Variants in CPM observed in about 807,000 individuals in gnomAD.
CPM encodes renal carboxypeptidase.
Under a neutral mutation model 46.4 loss-of-function variants are expected in CPM, and 35 were observed. The observed-to-expected ratio is 0.75, with a 90% CI of 0.58 to 1.00. CPM has a LOEUF of 1.00. Ranked by LOEUF, CPM falls within the 50% of genes least tolerant of loss-of-function variation. The probability of loss-of-function intolerance (pLI) is 0.00; values close to 1 mark genes in which losing one functional copy is unlikely to be tolerated. For missense variants in CPM, 422 were observed against 530.4 expected (o/e 0.80, Z 2.01); for synonymous variants, 195 against 195.3 (o/e 1.00, Z 0.01).
intron 7 of CPM, among the ~76,000 whole-genome samples, chr12:68,859,539 G>T (rs142631506): frequency 1.6e-4 from 25 of 152,166 alleles, no homozygotes; most frequent in African/African-American, 5.8e-4. Flanking sequence ...TAATCACAAG[G>T]CTTCTTGGAA....
At chr12:68,894,876 T>C (rs1156310779) in intron 2 of CPM, among the ~76,000 whole-genome samples, 1 of 151,600 alleles carries the variant, frequency 6.6e-6, no homozygotes, top group Non-Finnish European at 1.5e-5. Flanking sequence ...CCACTAAAAA[T>C]ACAAAAATTA....
At chr12:68,923,046 A>G (rs2133315) in intron 2 of CPM, among the ~76,000 whole-genome samples, 118,103 of 151,900 alleles carry the variant, frequency 0.78, 46,317 homozygotes, top group African/African-American at 0.9. Flanking sequence ...TCCTGTGTAA[A>G]CCTCCCAAGT....
chr12:68,899,919 CA>C (rs1484901460), intron 2 of CPM, among the ~76,000 whole-genome samples: 1 of 152,114 alleles, frequency 6.6e-6, no homozygotes, highest in Admixed American at 6.5e-5. Flanking sequence ...TCAGTAAAAT[CA>C]ACAGATGGAG....
chr12:68,906,604 C>T (rs1005537658), intron 2 of CPM, among the ~76,000 whole-genome samples: 1 of 152,110 alleles, frequency 6.6e-6, no homozygotes, highest in African/African-American at 2.4e-5. Flanking sequence ...ATTCTCATGC[C>T]TCAGCCTCCC....
chr12:68,917,144 A>G lies in CPM; in HGVS notation c.160+15534T>C, dbSNP rs141198500. On this transcript the variant is annotated intron_variant, in intron 2 of 8. Coordinates refer to ENST00000551568, the MANE Select transcript of CPM (RefSeq NM_198320.5). ...CCACACTGAACTTCTTTTGCTCCTC[A>G]AAGTCAATATGCTCCTTCACCTCCA... Among the ~76,000 whole-genome samples, 313 of 152,200 alleles carry G rather than the reference A, an allele frequency of 2.1e-3. 3 individuals are homozygous for G. Among genetic ancestry groups the G allele is most frequent in the African/African-American group, 6.9e-3 (285 of 41,528 alleles).
At chr12:68,899,349 C>T (rs967588576) in intron 2 of CPM, among the ~76,000 whole-genome samples, 23 of 152,200 alleles carry the variant, frequency 1.5e-4, no homozygotes, top group African/African-American at 2.2e-4. Context: ...ACTGGGAAGC[C>T]GCATGTTGCC....
chr12:68,944,343 A>AT (rs1888808982), intron 1 of CPM, among the ~76,000 whole-genome samples: 1 of 152,230 alleles, frequency 6.6e-6, no homozygotes, highest in South Asian at 2.1e-4. Context: ...CTCAGTTGCC[A>AT]TTTTGATGCC....
At chr12:68,933,030 C>A in intron 1 of CPM, 112 bp downstream of exon 1, 2 of 525,844 alleles carry the variant, frequency 3.8e-6, no homozygotes, top group African/African-American at 2.0e-5. Flanking sequence ...GCACGGGCAG[C>A]CTCGGTGCCC....
upstream of CPM, among the ~76,000 whole-genome samples, chr12:68,936,573 G>A (rs924555663): frequency 1.6e-4 from 24 of 152,032 alleles, no homozygotes; most frequent in East Asian, 5.8e-4. Flanking sequence ...TAGTAGAGAC[G>A]GGGTTTCACC....
At chr12:68,849,256 G>C (rs558532643), downstream of CPM, 1 of 150,070 alleles carries the variant, frequency 6.7e-6, no homozygotes, top group Non-Finnish European at 1.5e-5. Flanking sequence ...CACCTGGCTA[G>C]TTTTTGTATT....
chr12:68,868,451 G>A (rs1245917265), intron 6 of CPM, among the ~76,000 whole-genome samples: 2 of 152,160 alleles, frequency 1.3e-5, no homozygotes, highest in Non-Finnish European at 2.9e-5. Flanking sequence ...AATGCATGCC[G>A]CAACTTGCTG....
At chr12:68,880,096 C>T in intron 3 of CPM, among the ~76,000 whole-genome samples, 1 of 72,590 alleles carries the variant, frequency 1.4e-5, no homozygotes, top group Non-Finnish European at 2.7e-5. Flanking sequence ...TGGCATCAAC[C>T]CTTCCAATTA....
At chr12:68,951,703 G>T (rs1018877611) in intron 1 of CPM, among the ~76,000 whole-genome samples, 1 of 152,218 alleles carries the variant, frequency 6.6e-6, no homozygotes, top group African/African-American at 2.4e-5. Flanking sequence ...AGAGCAGGGA[G>T]GAGGCATGGA....
rs76468684 is a variant in CPM at position 68,930,696 on chromosome 12, C to T, written c.160+1982G>A. Among the ~76,000 whole-genome samples, 542 of 152,338 alleles carry T rather than the reference C, an allele frequency of 3.6e-3. 1 individual carries two copies. The highest frequency in any genetic ancestry group is 0.013 in the African/African-American group (523 of 41,570). ...CCTCAAGCCTTTAACCGCAAGAGTG[C>T]ATACAAGGTAAAATTAAAAACAAAA... On this transcript the variant is annotated intron_variant, in intron 2 of 8. Transcript: ENST00000551568.
intron 1 of CPM, among the ~76,000 whole-genome samples, chr12:68,940,606 G>A (rs964564471): frequency 6.6e-6 from 1 of 150,992 alleles, no homozygotes; most frequent in African/African-American, 2.4e-5. Context: ...TATGCCCAGA[G>A]CACCAGGCCA....
chr12:68,937,408 G>C (rs1170963592), upstream of CPM, among the ~76,000 whole-genome samples: 1 of 152,174 alleles, frequency 6.6e-6, no homozygotes, highest in African/African-American at 2.4e-5. Flanking sequence ...CTGGCATCTA[G>C]TGCTGATACA....
chr12:68,957,882 C>T (rs371281158), intron 1 of CPM, among the ~76,000 whole-genome samples: 7 of 150,794 alleles, frequency 4.6e-5, no homozygotes, highest in African/African-American at 9.8e-5. Context: ...TGATGTTCCC[C>T]GCCCTGTGTC....
intron 3 of CPM, among the ~76,000 whole-genome samples, chr12:68,882,035 T>TTG (rs1886216267): frequency 6.6e-6 from 1 of 151,262 alleles, no homozygotes; most frequent in Non-Finnish European, 1.5e-5. Context: ...TTTTTTTTTT[T>TTG]TTTTTTTTTT....
At chr12:68,916,887 T>TAAAAA in intron 2 of CPM, among the ~76,000 whole-genome samples, 1 of 94,518 alleles carries the variant, frequency 1.1e-5, no homozygotes, top group African/African-American at 5.6e-5. Flanking sequence ...GACTCTTGTC[T>TAAAAA]CAAAAAAAAA....
Sources: gnomAD v4.1 joint callset for allele counts (sites outside exome capture counted in the v4.1 genomes callset) on GRCh38, gnomAD v4.1.1 for gene constraint, MANE v1.5 for transcripts, NCBI Gene and HGNC (gene_info 2026-07-23, HGNC 2026-07-21) for gene names.